SLC2A13: variants seen among roughly 807,000 people sequenced by gnomAD.
The protein encoded by SLC2A13 is proton myo-inositol cotransporter.
In SLC2A13, 32 loss-of-function variants were observed where a neutral mutation model predicts 64.4. The ratio of observed to expected loss-of-function variants is 0.50; its 90% CI spans 0.37 to 0.67. The LOEUF is 0.67. SLC2A13 is among the 30% of genes least tolerant of loss of function. The pLI is 0.00. For missense variants in SLC2A13, 743 were observed against 829.2 expected, an observed-to-expected ratio of 0.90 and a Z score of 1.28; for synonymous variants, 338 against 327.1, an observed-to-expected ratio of 1.03 and a Z score of -0.36.
At position 39,964,414 on chromosome 12, in the gene SLC2A13, C is replaced by A. The variant is rs1946469413; in HGVS notation, c.926-13049G>T. Among the ~76,000 whole-genome samples the A allele has an allele frequency of 2.6e-5, 4 of 152,302 alleles. No homozygotes were observed. In the South Asian group the frequency reaches 8.3e-4, roughly 32 times the overall value. Reference sequence around the variant, plus strand: ...CGTTCATGGAAGAGAAGAGTTAATTCAAAGTATGGACTTTCCAGTCTCTCA... The same window carrying A: ...CGTTCATGGAAGAGAAGAGTTAATTAAAAGTATGGACTTTCCAGTCTCTCA... On this transcript the variant is annotated intron_variant, in intron 3 of 9. Transcript: ENST00000280871.
chr12:39,770,809 C>A (rs1166137471), intron 7 of SLC2A13, among the ~76,000 whole-genome samples: 1 of 152,136 alleles, frequency 6.6e-6, no homozygotes, highest in Non-Finnish European at 1.5e-5. Context: ...TTATCCACTT[C>A]TCTTAGGTCC....
intron 4 of SLC2A13, among the ~76,000 whole-genome samples, chr12:39,902,747 T>C (rs1945165487): frequency 1.3e-5 from 2 of 152,234 alleles, no homozygotes; most frequent in African/African-American, 2.4e-5. Flanking sequence ...TAAAAAAAGA[T>C]ATAATGGGAT....
chr12:40,087,307 C>T (rs997125638), intron 1 of SLC2A13, among the ~76,000 whole-genome samples: 6 of 152,210 alleles, frequency 3.9e-5, no homozygotes, highest in Non-Finnish European at 8.8e-5. Flanking sequence ...ATAGTACTCA[C>T]TAAATCTCTT....
At chr12:39,950,637 T>C (rs1456327925) in intron 4 of SLC2A13, 2 of 152,214 alleles carry the variant, frequency 1.3e-5, no homozygotes, top group African/African-American at 4.8e-5. Flanking sequence ...CCCTCAAAAA[T>C]GGGTTTAATA....
intron 1 of SLC2A13, among the ~76,000 whole-genome samples, chr12:40,096,175 C>T (rs1938936612): frequency 6.6e-6 from 1 of 151,930 alleles, no homozygotes; most frequent in South Asian, 2.1e-4. Flanking sequence ...ATAATCCACC[C>T]GCCTCAGCCT....
At chr12:39,883,344 T>C (rs1416374910) in intron 4 of SLC2A13, among the ~76,000 whole-genome samples, 2 of 152,164 alleles carry the variant, frequency 1.3e-5, no homozygotes, top group Non-Finnish European at 2.9e-5. Flanking sequence ...TGCCAGTTTG[T>C]GTTCCCAGGT....
intron 3 of SLC2A13, among the ~76,000 whole-genome samples, chr12:40,024,907 T>C (rs950883252): frequency 2.6e-5 from 4 of 152,222 alleles, no homozygotes; most frequent in Admixed American, 2.0e-4. Context: ...TCATTTAAGA[T>C]GGCAAGTTTG....
intron 1 of SLC2A13, among the ~76,000 whole-genome samples, chr12:40,050,672 T>C (rs1948240386): frequency 6.6e-6 from 1 of 152,156 alleles, no homozygotes; most frequent in African/African-American, 2.4e-5. Flanking sequence ...GGTCACATGA[T>C]GAGTAGGTAG....
chr12:40,014,287 T>C (rs1947581375), intron 3 of SLC2A13, among the ~76,000 whole-genome samples: 1 of 152,162 alleles, frequency 6.6e-6, no homozygotes, highest in Non-Finnish European at 1.5e-5. Context: ...AACTCTAACA[T>C]TTGTGGAGAT....
intron 4 of SLC2A13, among the ~76,000 whole-genome samples, chr12:39,888,685 TAATGTGATGTTTAC>T (rs1193091452): frequency 1.1e-4 from 16 of 152,250 alleles, no homozygotes; most frequent in African/African-American, 3.6e-4. Flanking sequence ...TGTTTGCTAA[TAATGTGATGTTTAC>T]AATGGCATAA....
chr12:40,076,642 G>T (rs554811787), intron 1 of SLC2A13, among the ~76,000 whole-genome samples: 1 of 152,104 alleles, frequency 6.6e-6, no homozygotes. Flanking sequence ...ATGATAGAAC[G>T]AATTATATTT....
At chr12:40,076,737 G>A (rs963376870) in intron 1 of SLC2A13, among the ~76,000 whole-genome samples, 2 of 152,010 alleles carry the variant, frequency 1.3e-5, no homozygotes, top group South Asian at 2.1e-4. Context: ...TGCTTTCCAC[G>A]GTGGTTGAAC....
intron 4 of SLC2A13, among the ~76,000 whole-genome samples, chr12:39,937,963 T>C (rs894820833): frequency 2.0e-5 from 3 of 152,180 alleles, no homozygotes; most frequent in Non-Finnish European, 4.4e-5. Context: ...CATGATTCTT[T>C]CCTGAATTTT....
At chr12:39,896,967 A>T (rs1944938588) in intron 4 of SLC2A13, among the ~76,000 whole-genome samples, 1 of 152,178 alleles carries the variant, frequency 6.6e-6, no homozygotes, top group South Asian at 2.1e-4. Context: ...CACTTCTCTA[A>T]CTTTTAACCA....
At chr12:39,996,595 C>T (rs146848397) in intron 3 of SLC2A13, among the ~76,000 whole-genome samples, 20 of 152,314 alleles carry the variant, frequency 1.3e-4, no homozygotes, top group African/African-American at 3.1e-4. Flanking sequence ...CTGGGCCCCC[C>T]GCCCCATGCA....
chr12:39,937,354 T>C (rs1766400436), intron 4 of SLC2A13, among the ~76,000 whole-genome samples: 1 of 152,176 alleles, frequency 6.6e-6, no homozygotes, highest in South Asian at 2.1e-4. Context: ...GCTACCTGTG[T>C]GTGTAAAGAG....
intron 4 of SLC2A13, among the ~76,000 whole-genome samples, chr12:39,892,151 T>C (rs1379688231): frequency 6.6e-6 from 1 of 152,170 alleles, no homozygotes; most frequent in East Asian, 1.9e-4. Flanking sequence ...GCTACTTACA[T>C]TGTAAGTAAT....
chr12:40,006,097 AAATT>A (rs146151030), intron 3 of SLC2A13, among the ~76,000 whole-genome samples: 19,486 of 152,234 alleles, frequency 0.13, 1,451 homozygotes, highest in Middle Eastern at 0.15. Flanking sequence ...ATATGAGTAT[AAATT>A]AATAACCCCA....
At chr12:39,970,016 A>T (rs1256049908) in intron 3 of SLC2A13, among the ~76,000 whole-genome samples, 1 of 152,214 alleles carries the variant, frequency 6.6e-6, no homozygotes, top group Non-Finnish European at 1.5e-5. Flanking sequence ...CTTTCTACAT[A>T]TGGCTAGCCA....
Sources: allele counts gnomAD v4.1 joint callset (sites outside exome capture counted in the v4.1 genomes callset), GRCh38; gene constraint gnomAD v4.1.1; transcripts MANE v1.5; gene names NCBI Gene and HGNC (gene_info 2026-07-23, HGNC 2026-07-21).